The following PDE5A variants were observed in gnomAD, a reference collection of about 807,000 sequenced individuals.
PDE5A encodes phosphodiesterase 5A.
In PDE5A, 67 loss-of-function variants were observed where a neutral mutation model predicts 110.2. The ratio of observed to expected loss-of-function variants is 0.61; its 90% CI spans 0.50 to 0.75. The LOEUF (loss-of-function observed/expected upper bound fraction) is 0.75, where lower values mean the gene tolerates loss of function less well. PDE5A is among the 30% of genes least tolerant of loss of function. The pLI is 0.00. For synonymous variants in PDE5A, 328 were observed against 351.2 expected, an observed-to-expected ratio of 0.93 and a Z score of 0.74; for missense variants, 862 against 1,045.1, an observed-to-expected ratio of 0.82 and a Z score of 2.42.
intron 19 of PDE5A, among the ~76,000 whole-genome samples, chr4:119,501,720 C>T (rs1320385883): frequency 3.3e-5 from 5 of 152,008 alleles, no homozygotes; most frequent in Non-Finnish European, 7.4e-5. Context: ...TTCAAGGAAA[C>T]TCATTCCAAA....
chr4:119,579,625 G>T (rs1408665585), intron 3 of PDE5A, among the ~76,000 whole-genome samples: 1 of 151,586 alleles, frequency 6.6e-6, no homozygotes, highest in East Asian at 1.9e-4. Context: ...TCACTCATAG[G>T]TGGGAATTGA....
Position 119,553,636 on chromosome 4 carries a change from A to C in PDE5A, c.1308+2T>G. ...CTTCAAGTCTAAAATTGGGTTACTT[A>C]CTGTCCAGGGAAATCTTTTATCCTT... On this transcript the variant is annotated splice_donor_variant, in intron 8 of 20. Transcript: ENST00000354960. LOFTEE classifies it high-confidence loss of function. 6.8e-7 allele frequency: 1 copy of C among 1,461,438 alleles called. No individual in the cohort carries two copies. The highest frequency in any genetic ancestry group is 9.6e-7 in the Non-Finnish European group (1 of 1,040,824). 90.5% of individuals were successfully genotyped at this position (1,461,438 alleles called of 1,614,324 possible).
At chr4:119,610,127 T>C (rs931012047) in intron 1 of PDE5A, among the ~76,000 whole-genome samples, 1 of 152,206 alleles carries the variant, frequency 6.6e-6, no homozygotes, top group Non-Finnish European at 1.5e-5. Context: ...TGCTGTGACT[T>C]AGGACAAAAT....
In PDE5A at chr4:119,498,587, A is replaced by C. The variant is rs748047734; in HGVS notation, c.*14T>G. On this transcript the variant is annotated 3_prime_UTR_variant, in exon 21 of 21. Transcript: ENST00000354960. Reference sequence around the variant, plus strand: ...CCATCTCTGTAAACTTCAACTCTGCATGAAATAGGCCACTCAGTTCCGCTT... The same window carrying C: ...CCATCTCTGTAAACTTCAACTCTGCCTGAAATAGGCCACTCAGTTCCGCTT... The C allele has an allele frequency of 6.2e-7, 1 of 1,613,884 alleles. No homozygotes were observed. The highest frequency in any genetic ancestry group is 1.7e-5 in the Admixed American group (1 of 59,992).
At chr4:119,625,296 C>G (rs565590787) in intron 1 of PDE5A, among the ~76,000 whole-genome samples, 1 of 152,202 alleles carries the variant, frequency 6.6e-6, no homozygotes, top group South Asian at 2.1e-4. Flanking sequence ...CGTGCCAGGC[C>G]CAACCTATAG....
chr4:119,587,227 CTTTTTTT>C (rs35539932), intron 3 of PDE5A, among the ~76,000 whole-genome samples: 7 of 134,102 alleles, frequency 5.2e-5, no homozygotes, highest in African/African-American at 1.9e-4. Flanking sequence ...GTAACTTTTC[CTTTTTTT>C]TTTTTTTTTT....
At chr4:119,515,735 T>G (rs74765957) in intron 14 of PDE5A, among the ~76,000 whole-genome samples, 3 of 152,170 alleles carry the variant, frequency 2.0e-5, no homozygotes, top group Non-Finnish European at 4.4e-5. Flanking sequence ...AAAAATTTTT[T>G]TCTCCTTCAG....
chr4:119,577,728 T>C (rs1578793341), intron 3 of PDE5A, among the ~76,000 whole-genome samples: 3 of 152,244 alleles, frequency 2.0e-5, no homozygotes, highest in South Asian at 4.1e-4. Flanking sequence ...ACAGCCAATA[T>C]CATACTGAAT....
At chr4:119,600,694 C>A (rs1006489955) in intron 2 of PDE5A, among the ~76,000 whole-genome samples, 1 of 152,034 alleles carries the variant, frequency 6.6e-6, no homozygotes, top group Non-Finnish European at 1.5e-5. Context: ...AAATATTACA[C>A]GAGTCCATAA....
intron 3 of PDE5A, among the ~76,000 whole-genome samples, chr4:119,575,629 C>G (rs892211995): frequency 1.3e-5 from 2 of 152,094 alleles, no homozygotes; most frequent in African/African-American, 2.4e-5. Flanking sequence ...TACAGACAAG[C>G]AAATGCTGAG....
intron 12 of PDE5A, among the ~76,000 whole-genome samples, chr4:119,524,156 G>A (rs1003894874): frequency 3.3e-5 from 5 of 152,118 alleles, no homozygotes; most frequent in Middle Eastern, 3.4e-3. Context: ...TATAATTCTC[G>A]TAAGACTCCC....
At chr4:119,501,114 G>T in intron 20 of PDE5A, 56 bp downstream of exon 20, 2 of 1,024,748 alleles carry the variant, frequency 2.0e-6, no homozygotes, top group Non-Finnish European at 3.0e-6. Context: ...TTCAATTTTA[G>T]GTTCTAATTC....
chr4:119,574,751 A>G (rs1472645023), intron 3 of PDE5A, among the ~76,000 whole-genome samples: 2 of 152,238 alleles, frequency 1.3e-5, no homozygotes. Context: ...AACATTAAAA[A>G]AAATCCTATG....
In PDE5A at chr4:119,494,804, C is replaced by T. The variant is rs1725001554; in HGVS notation, c.*3797G>A. On this transcript the variant is annotated 3_prime_UTR_variant, in exon 21 of 21. Coordinates refer to ENST00000354960, the MANE Select transcript of PDE5A (RefSeq NM_001083.4). The stretch of plus-strand genomic sequence containing the variant: ...AAACTGTAATATAAATTTATATTTT[C>T]AACTATTTACATTGCTTTCAACAAC... 6.6e-6 allele frequency: 1 copy of T among 152,472 alleles called. No homozygotes were observed. 9.4% of individuals were successfully genotyped at this position (152,472 alleles called of 1,614,324 possible). A position where few individuals can be genotyped will look rare whatever the true frequency, so the allele number is the denominator to read the frequency against.
intron 3 of PDE5A, among the ~76,000 whole-genome samples, chr4:119,582,728 G>A (rs900418940): frequency 1.3e-5 from 2 of 152,156 alleles, no homozygotes; most frequent in African/African-American, 2.4e-5. Flanking sequence ...GCATGAAAAC[G>A]ACATTGATTT....
rs117432866 is a variant in PDE5A at position 119,539,622 on chromosome 4, T to C, written c.1573-603A>G. On this transcript the variant is annotated intron_variant, in intron 10 of 20. Transcript: ENST00000354960. ...GGCCTGTAAAGCCATCCATTGACAG[T>C]TGGGGACACTGAGCCTCAGGGAGTC... Among the ~76,000 whole-genome samples the C allele has an allele frequency of 3.9e-3, 591 of 152,118 alleles. 12 individuals are homozygous for C. The East Asian group carries it at 0.047, about 12-fold the overall frequency.
Position 119,496,066 on chromosome 4 carries a change from G to A in PDE5A, c.*2535C>T, listed in dbSNP as rs199603359. 2.6e-5 allele frequency: 4 copies of A among 152,076 alleles called. No individual in the cohort carries two copies. Among genetic ancestry groups the A allele is most frequent in the Non-Finnish European group, 5.9e-5 (4 of 68,018 alleles). 9.4% of individuals were successfully genotyped at this position (152,076 alleles called of 1,614,324 possible). On this transcript the variant is annotated 3_prime_UTR_variant, in exon 21 of 21. Coordinates refer to ENST00000354960, the MANE Select transcript of PDE5A (RefSeq NM_001083.4). ...CACAAATCCACCCAGGATTGTGATT[G>A]GCACGGTCTAATCTACTGAAAAATA...
At chr4:119,611,032 C>T in intron 1 of PDE5A, among the ~76,000 whole-genome samples, 1 of 152,178 alleles carries the variant, frequency 6.6e-6, no homozygotes, top group Admixed American at 6.5e-5. Flanking sequence ...GTTCCTCTCG[C>T]CCATGCCAGC....
At chr4:119,555,554 G>A (rs1334466239) in intron 7 of PDE5A, among the ~76,000 whole-genome samples, 1 of 151,992 alleles carries the variant, frequency 6.6e-6, no homozygotes, top group East Asian at 1.9e-4. Flanking sequence ...TGACCACCAG[G>A]AGAATGAAGT....
Sources: gnomAD v4.1 joint callset for allele counts (sites outside exome capture counted in the v4.1 genomes callset) on GRCh38, gnomAD v4.1.1 for gene constraint, MANE v1.5 for transcripts, NCBI Gene and HGNC (gene_info 2026-07-23, HGNC 2026-07-21) for gene names.